The following DRD2 variants were observed in gnomAD, a reference collection of about 807,000 sequenced individuals.
DRD2 encodes D(2) dopamine receptor.
In DRD2, 8 loss-of-function variants were observed where a neutral mutation model predicts 38.0. That is an observed-to-expected ratio of 0.21 (90% CI 0.12 to 0.38). The LOEUF (loss-of-function observed/expected upper bound fraction) is 0.38, where lower values mean the gene tolerates loss of function less well. DRD2 is among the 10% of genes least tolerant of loss of function. The probability of loss-of-function intolerance (pLI) is 1.00; values close to 1 mark genes in which losing one functional copy is unlikely to be tolerated. For synonymous variants in DRD2, 230 were observed against 238.6 expected (o/e 0.96, Z 0.33); for missense variants, 403 against 607.7 (o/e 0.66, Z 3.54).
chr11:113,452,430 GCA>G (rs1951217833), intron 1 of DRD2, among the ~76,000 whole-genome samples: 2 of 137,156 alleles, frequency 1.5e-5, no homozygotes, highest in African/African-American at 5.4e-5. Context: ...CCACTGGTGT[GCA>G]TGCGTGTGTG....
At chr11:113,418,314 C>T (rs919907050) in intron 2 of DRD2, among the ~76,000 whole-genome samples, 178 bp from the exon 3 acceptor site, 1 of 152,104 alleles carries the variant, frequency 6.6e-6, no homozygotes, top group African/African-American at 2.4e-5. Context: ...CCTTGCCCCT[C>T]GCTTATCTTC....
At chr11:113,434,743 G>A (rs1055318467) in intron 1 of DRD2, among the ~76,000 whole-genome samples, 2 of 152,152 alleles carry the variant, frequency 1.3e-5, no homozygotes, top group African/African-American at 4.8e-5. Flanking sequence ...GCAGCACCCT[G>A]TGGGAGGGAA....
At chr11:113,422,067 G>C (rs1950890074) in intron 2 of DRD2, among the ~76,000 whole-genome samples, 1 of 152,152 alleles carries the variant, frequency 6.6e-6, no homozygotes, top group Non-Finnish European at 1.5e-5. Context: ...GTAGGGACAG[G>C]GGGTCTGGAA....
In DRD2 at chr11:113,451,153, G is replaced by A. The variant is rs139117331; in HGVS notation, c.-32+23923C>T. 1.2e-4 allele frequency among the ~76,000 whole-genome samples: 18 copies of A among 152,298 alleles called. No individual in the cohort carries two copies. In the East Asian group the frequency reaches 3.3e-3, roughly 28 times the overall value. ...CAACTTGCAGAATCGCCACTGCACAGGACTGGCTAGATTCTTTTAAGCTGT... is the reference window on the plus strand; with the variant it reads ...CAACTTGCAGAATCGCCACTGCACAAGACTGGCTAGATTCTTTTAAGCTGT... On this transcript the variant is annotated intron_variant, in intron 1 of 7. Coordinates refer to ENST00000362072, the MANE Select transcript of DRD2 (RefSeq NM_000795.4).
intron 1 of DRD2, among the ~76,000 whole-genome samples, chr11:113,466,240 C>T (rs1400900111): frequency 6.6e-6 from 1 of 152,204 alleles, no homozygotes; most frequent in African/African-American, 2.4e-5. Flanking sequence ...ACTGTTACTG[C>T]GTTTGGAGGG....
chr11:113,424,719 G>A, intron 1 of DRD2, 37 bp from the exon 2 acceptor site: 5 of 1,605,376 alleles, frequency 3.1e-6, no homozygotes, highest in Non-Finnish European at 4.3e-6. Context: ...GTCAGTGAGA[G>A]GGCCTCTTGC....
rs900949390 is a variant in DRD2 at position 113,424,073 on chromosome 11, G to A, written c.285+294C>T. On this transcript the variant is annotated intron_variant, in intron 2 of 7. Transcript: ENST00000362072. Reference sequence around the variant, plus strand: ...CCTGGTTTATCAACTGCAAAATGGTGGCAATAATGCCAGCCTCTAAGCTGC... The same window carrying A: ...CCTGGTTTATCAACTGCAAAATGGTAGCAATAATGCCAGCCTCTAAGCTGC... Among the ~76,000 whole-genome samples, 3 of 152,166 alleles carry A rather than the reference G, an allele frequency of 2.0e-5. No individual in the cohort carries two copies. The East Asian group carries it at 5.8e-4, about 29-fold the overall frequency.
chr11:113,429,914 T>A (rs1950971189), intron 1 of DRD2, among the ~76,000 whole-genome samples: 3 of 152,240 alleles, frequency 2.0e-5, no homozygotes, highest in African/African-American at 4.8e-5. Flanking sequence ...CTCATGGCCA[T>A]GTGCCAGGCA....
chr11:113,419,018 T>A (rs1341211330), intron 2 of DRD2, among the ~76,000 whole-genome samples: 9 of 152,186 alleles, frequency 5.9e-5, no homozygotes. Flanking sequence ...GTAAATTAGA[T>A]TCCAGGTAAA....
intron 1 of DRD2, among the ~76,000 whole-genome samples, chr11:113,460,198 C>T (rs1591301387): frequency 6.6e-6 from 1 of 152,378 alleles, no homozygotes; most frequent in East Asian, 1.9e-4. Context: ...CTCAGTGGGG[C>T]TGCTCCAGGG....
intron 1 of DRD2, among the ~76,000 whole-genome samples, chr11:113,434,780 C>G (rs78022226): frequency 0.11 from 16,022 of 152,134 alleles, 1,217 homozygotes; most frequent in East Asian, 0.42. Context: ...GGAGCCATCC[C>G]CCCCCATCAG....
chr11:113,430,617 G>A lies in DRD2; in HGVS notation c.-31-5935C>T, dbSNP rs1162441018. Among the ~76,000 whole-genome samples, 3 of 152,184 alleles carry A rather than the reference G, an allele frequency of 2.0e-5. No individual in the cohort carries two copies. In the East Asian group the frequency reaches 5.8e-4, roughly 29 times the overall value. On this transcript the variant is annotated intron_variant, in intron 1 of 7. Transcript: ENST00000362072. Reference sequence around the variant, plus strand: ...GCCCATCCCTCCCTTTTGTCCTTCTGTCTCCGGGCTGCACAGATTGTTGGG... The same window carrying A: ...GCCCATCCCTCCCTTTTGTCCTTCTATCTCCGGGCTGCACAGATTGTTGGG...
intron 1 of DRD2, among the ~76,000 whole-genome samples, chr11:113,429,354 C>T (rs1370781397): frequency 1.3e-5 from 2 of 152,260 alleles, no homozygotes; most frequent in East Asian, 1.9e-4. Context: ...ACGCCATTCT[C>T]CTGCCTCAGC....
chr11:113,471,088 A>G (rs1951419575), intron 1 of DRD2, among the ~76,000 whole-genome samples: 1 of 152,156 alleles, frequency 6.6e-6, no homozygotes. Flanking sequence ...ATCAAAGAAA[A>G]CCAAGTGGCT....
At chr11:113,435,588 C>T (rs1951027753) in intron 1 of DRD2, among the ~76,000 whole-genome samples, 1 of 152,040 alleles carries the variant, frequency 6.6e-6, no homozygotes, top group African/African-American at 2.4e-5. Flanking sequence ...CCCAGGAGAT[C>T]TAAATTCAGA....
intron 1 of DRD2, among the ~76,000 whole-genome samples, chr11:113,459,723 T>C (rs989304152): frequency 6.6e-6 from 1 of 152,162 alleles, no homozygotes; most frequent in Non-Finnish European, 1.5e-5. Flanking sequence ...AATAATAGTA[T>C]AGTACAGTGA....
At position 113,415,544 on chromosome 11, in the gene DRD2, C is replaced by T; in HGVS notation, c.600G>A (p.Val200=). Residue 200 remains valine (V), a synonymous_variant, in exon 5 of 8, where the codon GTG becomes GTA. Transcript: ENST00000362072. ...VVYSSIVSFY[V]PFIVTLLVYI... is the part of the protein sequence containing the mutation. ...AGACCAGCAGGGTGACAATGAAGGG[C>T]ACGTAGAAGGAGACGATGGAGGAGT... is the stretch of plus-strand genomic sequence containing the variant. 6.2e-7 allele frequency: 1 copy of T among 1,614,068 alleles called. No individual in the cohort carries two copies. The highest frequency in any genetic ancestry group is 1.1e-5 in the South Asian group (1 of 91,076).
At chr11:113,449,188 C>T (rs1371347864) in intron 1 of DRD2, among the ~76,000 whole-genome samples, 1 of 152,166 alleles carries the variant, frequency 6.6e-6, no homozygotes, top group African/African-American at 2.4e-5. Context: ...TCTCCACCTG[C>T]CTCCCCATTC....
At chr11:113,412,462 G>T in intron 7 of DRD2, 94 bp downstream of exon 7, 2 of 1,484,624 alleles carry the variant, frequency 1.3e-6, no homozygotes, top group Non-Finnish European at 9.2e-7. Context: ...GGAAATGCTA[G>T]CCCCATGATC....
Sources: gnomAD v4.1 joint callset for allele counts (sites outside exome capture counted in the v4.1 genomes callset) on GRCh38, gnomAD v4.1.1 for gene constraint, MANE v1.5 for transcripts, NCBI Gene and HGNC (gene_info 2026-07-23, HGNC 2026-07-21) for gene names.